SERPINB5: variants seen among roughly 807,000 people sequenced by gnomAD.
SERPINB5 encodes serpin B5.
In SERPINB5, 27 loss-of-function variants were observed where a neutral mutation model predicts 32.2. The ratio of observed to expected loss-of-function variants is 0.84; its 90% CI spans 0.62 to 1.16. The LOEUF (loss-of-function observed/expected upper bound fraction) is 1.16. Ranked by LOEUF, SERPINB5 falls within the 50% of genes most tolerant of loss-of-function variation. SERPINB5 has a pLI of 0.00. For missense variants in SERPINB5, 388 were observed against 436.3 expected, an observed-to-expected ratio of 0.89 and a Z score of 0.99; for synonymous variants, 154 against 157.4, an observed-to-expected ratio of 0.98 and a Z score of 0.16.
intron 5 of SERPINB5, 51 bp from the exon 6 acceptor site, chr18:63,499,067 ATT>A: frequency 4.5e-6 from 4 of 895,066 alleles, no homozygotes; most frequent in Non-Finnish European, 4.8e-6. Context: ...ATATATATAT[ATT>A]TATGCATGTG....
At chr18:63,489,503 T>A in intron 4 of SERPINB5, 39 bp downstream of exon 4, 1 of 1,110,950 alleles carries the variant, frequency 9.0e-7, no homozygotes, top group Non-Finnish European at 1.4e-6. Flanking sequence ...AATCACCAAG[T>A]AAACAGGGCC....
At chr18:63,488,723 T>C (rs1034229210) in intron 3 of SERPINB5, among the ~76,000 whole-genome samples, 2 of 152,170 alleles carry the variant, frequency 1.3e-5, no homozygotes. Context: ...GGGTTTAGGG[T>C]TGCACATTTT....
chr18:63,484,293 G>T, intron 1 of SERPINB5, 129 bp from the exon 2 acceptor site: 1 of 966,574 alleles, frequency 1.0e-6, no homozygotes, highest in East Asian at 2.8e-5. Context: ...TGAATTTACA[G>T]AAAGTTCCTT....
rs1166336318 is a variant in SERPINB5 at position 63,498,144 on chromosome 18, C to T, written c.568-976C>T. 6.6e-6 allele frequency among the ~76,000 whole-genome samples: 1 copy of T among 152,142 alleles called. No individual in the cohort carries two copies. The highest frequency in any genetic ancestry group is 1.5e-5 in the Non-Finnish European group (1 of 68,026). ...TCTGTTGCCCAGGCTGGAGTGAGTG[C>T]AGTGGTATGATCTTGGCTCACACCA... On this transcript the variant is annotated intron_variant, in intron 5 of 6. Transcript: ENST00000382771. This position sits in a 1 kb window ranked among gnomAD's most constrained non-coding sequence, Gnocchi z 4.2.
At chr18:63,482,649 C>T (rs558459263) in intron 1 of SERPINB5, among the ~76,000 whole-genome samples, 1 of 152,006 alleles carries the variant, frequency 6.6e-6, no homozygotes, top group South Asian at 2.1e-4. Context: ...GGTAGGTAGA[C>T]CTTTATTAGA....
chr18:63,486,876 C>A, intron 2 of SERPINB5, 70 bp from the exon 3 acceptor site: 1 of 1,539,812 alleles, frequency 6.5e-7, no homozygotes, highest in Non-Finnish European at 8.9e-7. Context: ...TGGTCATTAT[C>A]ACGTGTCCAC....
At chr18:63,490,451 C>T (rs1201043563) in intron 4 of SERPINB5, among the ~76,000 whole-genome samples, 1 of 152,096 alleles carries the variant, frequency 6.6e-6, no homozygotes, top group East Asian at 1.9e-4. Context: ...TTGTCCCCCT[C>T]CCCAGTGGAT....
At position 63,503,864 on chromosome 18, in the gene SERPINB5, A is replaced by T; in HGVS notation, c.*142A>T. 1.3e-6 allele frequency: 1 copy of T among 792,778 alleles called. No homozygotes were observed. Among genetic ancestry groups the T allele is most frequent in the Non-Finnish European group, 2.0e-6 (1 of 488,892 alleles). The allele number at this position is 792,778 out of a possible 1,614,324, so 49.1% of individuals were successfully genotyped here. A position where few individuals can be genotyped will look rare whatever the true frequency, so the allele number is the denominator to read the frequency against. ...GAAGCCGCCAGTACTTGTCATATGTAGCCTTCACACAGATAGACCTTTTTT... is the reference window on the plus strand; with the variant it reads ...GAAGCCGCCAGTACTTGTCATATGTTGCCTTCACACAGATAGACCTTTTTT... On this transcript the variant is annotated 3_prime_UTR_variant, in exon 7 of 7. Coordinates refer to ENST00000382771, the MANE Select transcript of SERPINB5 (RefSeq NM_002639.5).
At chr18:63,501,107 A>G (rs959346248) in intron 6 of SERPINB5, among the ~76,000 whole-genome samples, 12 of 151,570 alleles carry the variant, frequency 7.9e-5, no homozygotes, top group Non-Finnish European at 1.8e-4. Context: ...GGTTTGTTAC[A>G]TGTATATACA....
At chr18:63,492,514 G>A (rs541844203) in intron 4 of SERPINB5, among the ~76,000 whole-genome samples, 1 of 152,336 alleles carries the variant, frequency 6.6e-6, no homozygotes, top group South Asian at 2.1e-4. Flanking sequence ...CAAGAGCACA[G>A]GCTTTGGAGT....
At chr18:63,497,788 G>C (rs567619199) in intron 5 of SERPINB5, among the ~76,000 whole-genome samples, 80 of 152,258 alleles carry the variant, frequency 5.3e-4, no homozygotes, top group South Asian at 1.2e-3. Flanking sequence ...CCACTGTCCT[G>C]TTCCTCTTTC....
At position 63,486,944 on chromosome 18, in the gene SERPINB5, A is replaced by G. The variant is rs760958250; in HGVS notation, c.169-2A>G. On this transcript the variant is annotated splice_acceptor_variant, in intron 2 of 6. Transcript: ENST00000382771. LOFTEE classifies it high-confidence loss of function. Reference sequence around the variant, plus strand: ...TTGGGTAACGGATTTTTCTCTTAACAGGTTCTTCATTTTGAAAATGTCAAA... The same window carrying G: ...TTGGGTAACGGATTTTTCTCTTAACGGGTTCTTCATTTTGAAAATGTCAAA... 2.5e-6 allele frequency: 4 copies of G among 1,613,834 alleles called. No individual in the cohort carries two copies. The South Asian group carries it at 4.4e-5, about 18-fold the overall frequency.
intron 2 of SERPINB5, 97 bp downstream of exon 2, chr18:63,484,693 C>T: frequency 2.0e-6 from 2 of 1,019,366 alleles, no homozygotes; most frequent in Non-Finnish European, 2.7e-6. Context: ...ACTTTGTGGC[C>T]AGAATTGGTC....
rs960107914 is a variant in SERPINB5, at chr18:63,486,731, C to T, written c.169-215C>T. 6 of 409,052 alleles carry T rather than the reference C, an allele frequency of 1.5e-5. No homozygotes were observed. In the Admixed American group the frequency reaches 1.9e-4, roughly 13 times the overall value. The allele number at this position is 409,052 out of a possible 1,614,324, so 25.3% of individuals were successfully genotyped here. On this transcript the variant is annotated intron_variant, in intron 2 of 6. Transcript: ENST00000382771. ...ATGCCACTGGCATCTAGTAGGTCAG[C>T]GATGCTGCTAAGCATCCTGCAGTGC...
intron 3 of SERPINB5, among the ~76,000 whole-genome samples, 194 bp downstream of exon 3, chr18:63,487,277 C>G (rs1053233839): frequency 6.6e-6 from 1 of 152,142 alleles, no homozygotes; most frequent in African/African-American, 2.4e-5. Flanking sequence ...TCTTCTAACT[C>G]AAAATACAGA....
intron 6 of SERPINB5, 94 bp downstream of exon 6, chr18:63,499,381 G>A: frequency 1.8e-6 from 2 of 1,142,642 alleles, no homozygotes; most frequent in Non-Finnish European, 2.3e-6. Context: ...AGCTGGGCCG[G>A]TAGCCCTCCC....
intron 6 of SERPINB5, among the ~76,000 whole-genome samples, chr18:63,502,953 G>A (rs190199509): frequency 1.3e-5 from 2 of 152,230 alleles, no homozygotes; most frequent in East Asian, 3.9e-4. Context: ...GAACCCAGGA[G>A]GCAGAGGTTG....
At chr18:63,488,762 T>C (rs1356668593) in intron 3 of SERPINB5, among the ~76,000 whole-genome samples, 3 of 152,198 alleles carry the variant, frequency 2.0e-5, no homozygotes, top group Admixed American at 2.0e-4. Flanking sequence ...GAACTCCTGT[T>C]ATGTTCTCTC....
chr18:63,479,803 A>G (rs7228507), intron 1 of SERPINB5, among the ~76,000 whole-genome samples: 53,908 of 152,042 alleles, frequency 0.35, 10,726 homozygotes, highest in Non-Finnish European at 0.46. Flanking sequence ...AGTTTACAAC[A>G]TAAGTGGCAG....
Sources: gnomAD v4.1 joint callset for allele counts (sites outside exome capture counted in the v4.1 genomes callset) on GRCh38, gnomAD v4.1.1 for gene constraint, Gnocchi (gnomAD v3.1) non-coding constraint, MANE v1.5 for transcripts, NCBI Gene and HGNC (gene_info 2026-07-23, HGNC 2026-07-21) for gene names.